Variants in ARL8B observed in about 807,000 individuals in gnomAD.
ARL8B encodes ADP-ribosylation factor-like protein 8B.
In ARL8B, 9 loss-of-function variants were observed where a neutral mutation model predicts 30.6. The ratio of observed to expected loss-of-function variants is 0.29; its 90% CI spans 0.18 to 0.51. The LOEUF is 0.51. Among genes scored for constraint, ARL8B ranks in the 20% least tolerant of loss-of-function variants. ARL8B has a pLI of 0.97. For missense variants in ARL8B, 130 were observed against 227.2 expected (o/e 0.57, Z 2.75); for synonymous variants, 74 against 76.0 (o/e 0.97, Z 0.14).
intron 1 of ARL8B, among the ~76,000 whole-genome samples, chr3:5,162,987 CTT>C (rs58230539): frequency 4.8e-5 from 6 of 125,812 alleles, no homozygotes; most frequent in Non-Finnish European, 4.8e-5. Context: ...TTAGCTCCCA[CTT>C]TTTTTTTTTT....
chr3:5,169,305 TTGTGTG>T (rs10575722), intron 1 of ARL8B, among the ~76,000 whole-genome samples: 3,515 of 142,944 alleles, frequency 0.025, 49 homozygotes, highest in Middle Eastern at 0.04. Context: ...AATACAGTGT[TTGTGTG>T]TGTGTGTGTG....
chr3:5,156,997 T>C (rs568222130), intron 1 of ARL8B: 1 of 152,402 alleles, frequency 6.6e-6, no homozygotes, highest in Non-Finnish European at 1.5e-5. Flanking sequence ...CTTCGAGTAC[T>C]GCGACATTCT....
chr3:5,148,826 G>C (rs1166146919), intron 1 of ARL8B, among the ~76,000 whole-genome samples: 2 of 151,902 alleles, frequency 1.3e-5, no homozygotes, highest in African/African-American at 2.4e-5. Flanking sequence ...CTGGTTCAAG[G>C]GTTGTCCCTT....
chr3:5,179,001 C>T lies in ARL8B; in HGVS notation c.*288C>T, dbSNP rs1307538041. ...GAAAAAAAACCCCATATACTTATGA[C>T]CATCTTAAATCAAGAAAATTGCATA... On this transcript the variant is annotated 3_prime_UTR_variant, in exon 7 of 7. Coordinates refer to ENST00000256496, the MANE Select transcript of ARL8B (RefSeq NM_018184.3). The T allele has an allele frequency of 7.4e-6, 2 of 271,490 alleles. No homozygotes were observed. Among genetic ancestry groups the T allele is most frequent in the Non-Finnish European group, 1.3e-5 (2 of 148,788 alleles). The allele number at this position is 271,490 out of a possible 1,614,324, so 16.8% of individuals were successfully genotyped here.
intron 1 of ARL8B, among the ~76,000 whole-genome samples, chr3:5,138,190 G>GTT (rs35653002): frequency 0.11 from 15,799 of 141,402 alleles, 997 homozygotes; most frequent in Non-Finnish European, 0.14. Context: ...ATTGCTCTAA[G>GTT]TTTTTTTTTT....
At chr3:5,165,662 T>C (rs2054617511) in intron 1 of ARL8B, among the ~76,000 whole-genome samples, 1 of 152,124 alleles carries the variant, frequency 6.6e-6, no homozygotes, top group African/African-American at 2.4e-5. Flanking sequence ...AAAATGATTC[T>C]TAGAGGAAAA....
intron 1 of ARL8B, among the ~76,000 whole-genome samples, chr3:5,163,525 T>G (rs962148336): frequency 6.6e-6 from 1 of 152,158 alleles, no homozygotes; most frequent in African/African-American, 2.4e-5. Context: ...TATATATGAT[T>G]CTTGAAATGT....
chr3:5,139,211 G>A (rs2054351862), intron 1 of ARL8B, among the ~76,000 whole-genome samples: 1 of 152,154 alleles, frequency 6.6e-6, no homozygotes, highest in African/African-American at 2.4e-5. Context: ...GGCACTAAAG[G>A]ACTAAGAAGT....
chr3:5,161,415 T>A (rs1032858502), intron 1 of ARL8B, among the ~76,000 whole-genome samples: 1 of 152,162 alleles, frequency 6.6e-6, no homozygotes, highest in Non-Finnish European at 1.5e-5. Flanking sequence ...AGAGAGGCAA[T>A]GTTTGAGTGG....
At chr3:5,135,244 C>T (rs2054314364) in intron 1 of ARL8B, among the ~76,000 whole-genome samples, 1 of 152,102 alleles carries the variant, frequency 6.6e-6, no homozygotes, top group South Asian at 2.1e-4. Context: ...AAAGAACGTT[C>T]AGTAAAAATT....
At chr3:5,149,198 A>G (rs2054456731) in intron 1 of ARL8B, among the ~76,000 whole-genome samples, 1 of 152,234 alleles carries the variant, frequency 6.6e-6, no homozygotes, top group Non-Finnish European at 1.5e-5. Context: ...CTCCTGCACA[A>G]GGTTGCCTGG....
chr3:5,176,897 A>G (rs1224308999), intron 6 of ARL8B, among the ~76,000 whole-genome samples: 1 of 152,166 alleles, frequency 6.6e-6, no homozygotes, highest in Non-Finnish European at 1.5e-5. Context: ...TGTCATAACT[A>G]GGAGGGTGAT....
chr3:5,137,805 G>T (rs938644695), intron 1 of ARL8B, among the ~76,000 whole-genome samples: 1 of 151,732 alleles, frequency 6.6e-6, no homozygotes, highest in Non-Finnish European at 1.5e-5. Context: ...GCCCAGGCTG[G>T]TTCAAACTCC....
At chr3:5,141,996 C>T (rs904216547) in intron 1 of ARL8B, among the ~76,000 whole-genome samples, 3 of 152,284 alleles carry the variant, frequency 2.0e-5, no homozygotes, top group East Asian at 1.9e-4. Flanking sequence ...CCTAGGGACT[C>T]CTATTGAGTC....
chr3:5,149,159 G>A (rs1489251135), intron 1 of ARL8B, among the ~76,000 whole-genome samples: 1 of 152,220 alleles, frequency 6.6e-6, no homozygotes, highest in Non-Finnish European at 1.5e-5. Flanking sequence ...CACTAAGGCA[G>A]TACTTACAGT....
At chr3:5,170,754 CAG>C (rs1472300954) in intron 2 of ARL8B, 171 bp downstream of exon 2, 6 of 526,616 alleles carry the variant, frequency 1.1e-5, no homozygotes, top group East Asian at 1.0e-4. Flanking sequence ...TTTTTGGAAA[CAG>C]AGTTTTGCTC....
chr3:5,122,621 C>G lies in ARL8B; in HGVS notation c.123+33C>G, dbSNP rs756694097. On this transcript the variant is annotated intron_variant, in intron 1 of 6. Transcript: ENST00000256496. ...CCCGCCCACTCACTCGCCCGGGGCTCCGCAGCCAGGAGTCCGGCCCGGCGC... is the reference window on the plus strand; with the variant it reads ...CCCGCCCACTCACTCGCCCGGGGCTGCGCAGCCAGGAGTCCGGCCCGGCGC... The G allele has an allele frequency of 4.4e-6, 7 of 1,577,108 alleles. No individual in the cohort carries two copies. In the East Asian group the frequency reaches 1.6e-4, roughly 36 times the overall value.
rs150125035 is a variant in ARL8B at position 5,160,378 on chromosome 3, G to A, written c.124-10125G>A. Among the ~76,000 whole-genome samples the A allele has an allele frequency of 2.5e-3, 378 of 152,278 alleles. 4 individuals are homozygous for A. Among genetic ancestry groups the A allele is most frequent in the African/African-American group, 8.6e-3 (356 of 41,564 alleles). On this transcript the variant is annotated intron_variant, in intron 1 of 6. Coordinates refer to ENST00000256496, the MANE Select transcript of ARL8B (RefSeq NM_018184.3). ...TTTTGGATATGGATTTAGTAGCACCGTTATTAGAATGCTGTTAATGAAAGG... is the reference window on the plus strand; with the variant it reads ...TTTTGGATATGGATTTAGTAGCACCATTATTAGAATGCTGTTAATGAAAGG...
At chr3:5,155,116 C>G (rs2054520450) in intron 1 of ARL8B, among the ~76,000 whole-genome samples, 1 of 152,126 alleles carries the variant, frequency 6.6e-6, no homozygotes, top group African/African-American at 2.4e-5. Context: ...ATTTCCTCAG[C>G]TTTTGTTTAT....
Sources: allele counts gnomAD v4.1 joint callset (sites outside exome capture counted in the v4.1 genomes callset), GRCh38; gene constraint gnomAD v4.1.1; transcripts MANE v1.5; gene names NCBI Gene and HGNC (gene_info 2026-07-23, HGNC 2026-07-21).